Variants in HDAC4 observed in about 807,000 individuals in gnomAD.
HDAC4 encodes the protein histone deacetylase A.
Under a neutral mutation model 135.1 loss-of-function variants are expected in HDAC4, and 16 were observed. The ratio of observed to expected loss-of-function variants is 0.12; its 90% CI spans 0.08 to 0.18. The LOEUF is 0.18. Ranked by LOEUF, HDAC4 falls within the 10% of genes least tolerant of loss-of-function variation. The pLI is 1.00. For synonymous variants in HDAC4, 685 were observed against 653.4 expected, an observed-to-expected ratio of 1.05 and a Z score of -0.74; for missense variants, 1,143 against 1,511.8, an observed-to-expected ratio of 0.76 and a Z score of 4.05.
chr2:239,173,652 A>G (rs1283794883), intron 5 of HDAC4, among the ~76,000 whole-genome samples: 8 of 152,232 alleles, frequency 5.3e-5, no homozygotes, highest in Admixed American at 3.9e-4. Context: ...TATATTGGCA[A>G]TCTCAGCCCA....
chr2:239,124,046 A>G (rs1275022260), intron 12 of HDAC4, among the ~76,000 whole-genome samples: 1 of 152,132 alleles, frequency 6.6e-6, no homozygotes, highest in Admixed American at 6.5e-5. Flanking sequence ...AGGAGAGACA[A>G]TAAACGGAGA....
chr2:239,386,344 G>A (rs916735671), intron 1 of HDAC4, among the ~76,000 whole-genome samples: 4 of 152,148 alleles, frequency 2.6e-5, no homozygotes, highest in African/African-American at 9.7e-5. Context: ...CTGGAGGGAC[G>A]AGGAAAGACC....
At chr2:239,283,315 G>A (rs753651113) in intron 2 of HDAC4, among the ~76,000 whole-genome samples, 20 of 152,244 alleles carry the variant, frequency 1.3e-4, no homozygotes, top group Non-Finnish European at 2.2e-4. Context: ...TCTGAGATCC[G>A]GAGGAAGGGG....
intron 13 of HDAC4, among the ~76,000 whole-genome samples, chr2:239,113,806 G>A (rs1412139983): frequency 6.6e-6 from 1 of 152,180 alleles, no homozygotes; most frequent in African/African-American, 2.4e-5. Context: ...AGCACCGTGT[G>A]TGTGCCAGAG....
intron 7 of HDAC4, among the ~76,000 whole-genome samples, chr2:239,150,770 AG>A (rs2042071492): frequency 6.6e-6 from 1 of 150,736 alleles, no homozygotes; most frequent in South Asian, 2.1e-4. Context: ...ATACAGCAGC[AG>A]GAAGTCTCAC....
chr2:239,094,607 G>C (rs1285907955), intron 17 of HDAC4: 2 of 1,142,868 alleles, frequency 1.7e-6, no homozygotes, highest in East Asian at 6.3e-5. Flanking sequence ...ACTGCACTGG[G>C]AGCCCCACCT....
chr2:239,150,548 C>A (rs1284263368), intron 7 of HDAC4, among the ~76,000 whole-genome samples: 1 of 152,092 alleles, frequency 6.6e-6, no homozygotes, highest in Admixed American at 6.5e-5. Context: ...AGTCTCACCA[C>A]GCTGCACCTC....
rs1693215334 is a variant in HDAC4 at position 239,352,202 on chromosome 2, C to A, written c.22+476G>T. ...AATGCTTGTAAAATGCTTAGTGCAG[C>A]CCCTCACAGAGGCCCTCAAACACCA... On this transcript the variant is annotated intron_variant, in intron 2 of 26. Coordinates refer to ENST00000543185, the MANE Select transcript of HDAC4 (RefSeq NM_001378414.1). This position sits in a 1 kb window ranked among gnomAD's most constrained non-coding sequence, Gnocchi z 4.4. Among the ~76,000 whole-genome samples, 1 of 152,122 alleles carries A rather than the reference C, an allele frequency of 6.6e-6. No individual in the cohort carries two copies. Among genetic ancestry groups the A allele is most frequent in the Non-Finnish European group, 1.5e-5 (1 of 68,018 alleles).
rs942545818 is a variant in HDAC4, at chr2:239,184,277, T to C, written c.339+5556A>G. Among the ~76,000 whole-genome samples, 62 of 151,754 alleles carry C rather than the reference T, an allele frequency of 4.1e-4. 1 individual carries two copies. The highest frequency in any genetic ancestry group is 2.6e-4 in the Non-Finnish European group (18 of 67,932). On this transcript the variant is annotated intron_variant, in intron 4 of 26. Coordinates refer to ENST00000543185, the MANE Select transcript of HDAC4 (RefSeq NM_001378414.1). ...TGCCCTGTACCTGCCCTGGAGGCTG[T>C]GCCCTATGGGGGGGTCCCTAAGTGT... is the stretch of plus-strand genomic sequence containing the variant.
chr2:239,301,102 G>A (rs1235597606), intron 2 of HDAC4, among the ~76,000 whole-genome samples: 1 of 152,194 alleles, frequency 6.6e-6, no homozygotes, highest in Non-Finnish European at 1.5e-5. Flanking sequence ...AGGCCTTCCT[G>A]CAGCAACCCC....
chr2:239,053,841 G>A (rs1395189365), intron 25 of HDAC4, among the ~76,000 whole-genome samples: 1 of 152,176 alleles, frequency 6.6e-6, no homozygotes, highest in Non-Finnish European at 1.5e-5. Context: ...CCAGGAGCAG[G>A]CCCACCTAGG....
Position 239,190,069 on chromosome 2 carries a change from C to A in HDAC4, c.103G>T (p.Ala35Ser). ...VNHMPSTVDV[A>S]TALPLQVAPS... Reference sequence around the variant, plus strand: ...GCCACTTGCAGAGGCAGCGCCGTGGCCACATCCACTGTGGGAAAAACAAGC... The same window carrying A: ...GCCACTTGCAGAGGCAGCGCCGTGGACACATCCACTGTGGGAAAAACAAGC... The change falls in exon 4 of 27, where the codon GCC (alanine) becomes TCC (serine). Residue 35 changes from alanine to serine, a missense_variant. Transcript: ENST00000543185. 6.2e-7 allele frequency: 1 copy of A among 1,600,172 alleles called. No homozygotes were observed. The highest frequency in any genetic ancestry group is 2.2e-5 in the East Asian group (1 of 44,752).
chr2:239,076,022 C>T (rs574004770), intron 22 of HDAC4, among the ~76,000 whole-genome samples: 158 of 148,826 alleles, frequency 1.1e-3, no homozygotes, highest in African/African-American at 7.5e-4. Context: ...CGCGTGCCAG[C>T]GAACTCTCCT....
chr2:239,070,970 C>T (rs2034137202), intron 22 of HDAC4, among the ~76,000 whole-genome samples: 2 of 150,578 alleles, frequency 1.3e-5, no homozygotes, highest in Admixed American at 6.6e-5. Context: ...AAAATAAGTG[C>T]CCTTTACAGG....
chr2:239,221,848 A>C (rs999593533), intron 3 of HDAC4, among the ~76,000 whole-genome samples: 4 of 152,252 alleles, frequency 2.6e-5, no homozygotes, highest in African/African-American at 9.6e-5. Context: ...TGACAAGCCG[A>C]AACTATTGAA....
chr2:239,153,682 T>A (rs1431582632), intron 7 of HDAC4, among the ~76,000 whole-genome samples: 1 of 152,240 alleles, frequency 6.6e-6, no homozygotes, highest in African/African-American at 2.4e-5. Flanking sequence ...GTATTCTAAA[T>A]AACATTTCCC....
intron 2 of HDAC4, among the ~76,000 whole-genome samples, chr2:239,329,191 C>T (rs939823842): frequency 6.6e-6 from 1 of 152,044 alleles, no homozygotes; most frequent in Admixed American, 6.5e-5. Flanking sequence ...CTGGGCTAGC[C>T]CACTCCCAGA....
chr2:239,210,020 G>T (rs941749633), intron 3 of HDAC4, among the ~76,000 whole-genome samples: 1 of 152,118 alleles, frequency 6.6e-6, no homozygotes, highest in African/African-American at 2.4e-5. Context: ...AATGAGACGG[G>T]GCCTTCTAGA....
chr2:239,096,339 G>C (rs2037031102), intron 16 of HDAC4, among the ~76,000 whole-genome samples: 1 of 142,078 alleles, frequency 7.0e-6, no homozygotes, highest in Non-Finnish European at 1.6e-5. Flanking sequence ...ACCCCCTACG[G>C]ACGCCCACAC....
Sources: allele counts gnomAD v4.1 joint callset (sites outside exome capture counted in the v4.1 genomes callset), GRCh38; gene constraint gnomAD v4.1.1; non-coding constraint Gnocchi (gnomAD v3.1); transcripts MANE v1.5; gene names NCBI Gene and HGNC (gene_info 2026-07-23, HGNC 2026-07-21).